The following PKHD1L1 variants were observed in gnomAD, a reference collection of about 807,000 sequenced individuals.
PKHD1L1 encodes the protein PKHD1 like 1.
PKHD1L1 carries 434 observed loss-of-function variants against 462.9 expected under a neutral mutation model. That is an observed-to-expected ratio of 0.94 (90% CI 0.87 to 1.02). PKHD1L1 has a LOEUF of 1.02. Ranked by LOEUF, PKHD1L1 falls within the 50% of genes least tolerant of loss-of-function variation. PKHD1L1 has a pLI of 0.00. For missense variants in PKHD1L1, 5,202 were observed against 5,096.1 expected (o/e 1.02, Z -0.63); for synonymous variants, 1,781 against 1,750.0 (o/e 1.02, Z -0.44).
chr8:109,489,652 C>T (rs1013413376), intron 59 of PKHD1L1, among the ~76,000 whole-genome samples: 2 of 151,802 alleles, frequency 1.3e-5, no homozygotes, highest in African/African-American at 2.4e-5. Flanking sequence ...GGGCAAAAAA[C>T]GTAGGTATTA....
rs1821108787 is a variant in PKHD1L1, at chr8:109,534,537, G to A, written c.*4447G>A. ...GGGTTGGGGAACCTACCAAAACAGTGGGAGAGTCTTGCCCTTTTTCTAAGA... is the reference window on the plus strand; with the variant it reads ...GGGTTGGGGAACCTACCAAAACAGTAGGAGAGTCTTGCCCTTTTTCTAAGA... On this transcript the variant is annotated 3_prime_UTR_variant, in exon 78 of 78. Transcript: ENST00000378402. Among the ~76,000 whole-genome samples, 1 of 152,124 alleles carries A rather than the reference G, an allele frequency of 6.6e-6. No homozygotes were observed. The highest frequency in any genetic ancestry group is 2.1e-4 in the South Asian group (1 of 4,832).
At chr8:109,524,363 A>G (rs1820711246) in intron 76 of PKHD1L1, among the ~76,000 whole-genome samples, 1 of 152,194 alleles carries the variant, frequency 6.6e-6, no homozygotes, top group South Asian at 2.1e-4. Context: ...ATGTTTGATA[A>G]TAATTAAATG....
In PKHD1L1 at chr8:109,466,670, T is replaced by C. The variant is rs1241398150; in HGVS notation, c.8506T>C (p.Ser2836Pro). 8 of 1,611,914 alleles carry C rather than the reference T, an allele frequency of 5.0e-6. No individual in the cohort carries two copies. Among genetic ancestry groups the C allele is most frequent in the Non-Finnish European group, 5.1e-6 (6 of 1,179,052 alleles). The change falls in exon 50 of 78, where the codon TCA becomes CCA. Residue 2836 changes from serine to proline, a missense_variant. This residue lies in a region of PKHD1L1 where 4,497 missense variants were observed against 4,336.8 expected (regional missense o/e 1.04). Transcript: ENST00000378402. ...EAEWSIGFPG[S>P]VCDASVSFHR... ...TGAGTGGAGCATTGGGTTCCCTGGATCAGTCTGTGATGCTTCAGTCAGCTT... is the reference window on the plus strand; with the variant it reads ...TGAGTGGAGCATTGGGTTCCCTGGACCAGTCTGTGATGCTTCAGTCAGCTT...
chr8:109,401,723 T>A, intron 14 of PKHD1L1, 135 bp downstream of exon 14: 1 of 516,238 alleles, frequency 1.9e-6, no homozygotes, highest in South Asian at 3.8e-5. Context: ...TTGGTCATTC[T>A]CTATAATTTT....
chr8:109,536,779 C>T lies in PKHD1L1; in HGVS notation c.*6689C>T, dbSNP rs984813139. Among the ~76,000 whole-genome samples, 4 of 152,018 alleles carry T rather than the reference C, an allele frequency of 2.6e-5. No individual in the cohort carries two copies. The highest frequency in any genetic ancestry group is 9.7e-5 in the African/African-American group (4 of 41,384). On this transcript the variant is annotated 3_prime_UTR_variant, in exon 78 of 78. Transcript: ENST00000378402. Reference sequence around the variant, plus strand: ...AAATTTTGAATCTTCCTGTATTTAGCAATAAAAGTTACTGCTAATTGTAAT... The same window carrying T: ...AAATTTTGAATCTTCCTGTATTTAGTAATAAAAGTTACTGCTAATTGTAAT...
At chr8:109,424,671 CT>C (rs2130663058) in intron 23 of PKHD1L1, among the ~76,000 whole-genome samples, 1 of 152,124 alleles carries the variant, frequency 6.6e-6, no homozygotes, top group South Asian at 2.1e-4. Context: ...TGTTGGTTAA[CT>C]TTTCAAGACT....
rs201119781 is a variant in PKHD1L1 at position 109,466,678 on chromosome 8, T to C, written c.8514T>C (p.Cys2838=). 4.7e-5 allele frequency: 75 copies of C among 1,612,430 alleles called. No individual in the cohort carries two copies. Among genetic ancestry groups the C allele is most frequent in the Non-Finnish European group, 6.2e-5 (73 of 1,179,268 alleles). ...GCATTGGGTTCCCTGGATCAGTCTG[T>C]GATGCTTCAGTCAGCTTTCACCGTT... ...EWSIGFPGSV[C]DASVSFHRLA... is the part of the protein sequence containing the mutation. Residue 2838 remains cysteine, a synonymous_variant, in exon 50 of 78, where the codon TGT becomes TGC. Coordinates refer to ENST00000378402, the MANE Select transcript of PKHD1L1 (RefSeq NM_177531.6).
chr8:109,505,997 C>T (rs973797648), intron 68 of PKHD1L1, among the ~76,000 whole-genome samples: 1 of 152,140 alleles, frequency 6.6e-6, no homozygotes, highest in African/African-American at 2.4e-5. Context: ...CCAATGCTTA[C>T]TCATTTAATT....
At chr8:109,397,642 A>C (rs924678495) in intron 11 of PKHD1L1, among the ~76,000 whole-genome samples, 4 of 152,204 alleles carry the variant, frequency 2.6e-5, no homozygotes, top group Non-Finnish European at 5.9e-5. Flanking sequence ...GTGAGCTATG[A>C]TCATGCCACT....
chr8:109,413,652 G>A (rs1813978603), intron 21 of PKHD1L1, 107 bp downstream of exon 21: 4 of 923,410 alleles, frequency 4.3e-6, no homozygotes, highest in East Asian at 6.3e-5. Context: ...TGTTTGGGGA[G>A]ATGAGGGCAA....
rs1815001984 is a variant in PKHD1L1 at position 109,429,973 on chromosome 8, T to C, written c.3165T>C (p.Gly1055=). The change falls in exon 27 of 78, where the codon GGT becomes GGC. Residue 1055 remains glycine, a synonymous_variant. Coordinates refer to ENST00000378402, the MANE Select transcript of PKHD1L1 (RefSeq NM_177531.6). ...YVNGIPAKCS[G]DCGFTWDSNI... Reference sequence around the variant, plus strand: ...ATGGAATTCCAGCTAAATGTTCAGGTGACTGTGGATTTACATGGGATTCCA... The same window carrying C: ...ATGGAATTCCAGCTAAATGTTCAGGCGACTGTGGATTTACATGGGATTCCA... 6.2e-7 allele frequency: 1 copy of C among 1,611,816 alleles called. No homozygotes were observed. Among genetic ancestry groups the C allele is most frequent in the Non-Finnish European group, 8.5e-7 (1 of 1,179,126 alleles).
intron 48 of PKHD1L1, 76 bp from the exon 49 acceptor site, chr8:109,464,140 A>G: frequency 2.1e-6 from 2 of 971,582 alleles, no homozygotes; most frequent in Non-Finnish European, 2.7e-6. Flanking sequence ...ATAAAATTAG[A>G]TATTTTTTGA....
At chr8:109,409,724 A>G (rs1813737686) in intron 18 of PKHD1L1, 141 bp from the exon 19 acceptor site, 1 of 486,326 alleles carries the variant, frequency 2.1e-6, no homozygotes, top group Non-Finnish European at 3.6e-6. Context: ...AATTATTTAG[A>G]AAATTAACTC....
intron 73 of PKHD1L1, among the ~76,000 whole-genome samples, chr8:109,520,957 G>A (rs983409608): frequency 7.9e-5 from 12 of 152,180 alleles, no homozygotes; most frequent in Non-Finnish European, 1.6e-4. Flanking sequence ...AGTAATAGTA[G>A]TGCATGGACC....
chr8:109,522,817 T>TGG lies in PKHD1L1; in HGVS notation c.12257_12258insGG (p.Ile4086MetfsTer20), dbSNP rs1820618762. ...GCCTTCGTGTCCTCACTCTTAGTGA[T>TGG]CACTCAGCCGGTGGCAGCACAGCCA... On this transcript the variant is annotated frameshift_variant, in exon 75 of 78. Coordinates refer to ENST00000378402, the MANE Select transcript of PKHD1L1 (RefSeq NM_177531.6). LOFTEE classifies it high-confidence loss of function. 7 of 1,612,346 alleles carry TGG rather than the reference T, an allele frequency of 4.3e-6. No individual in the cohort carries two copies. The South Asian group carries it at 7.7e-5, about 18-fold the overall frequency.
rs1274521556 is a variant in PKHD1L1 at position 109,438,317 on chromosome 8, A to T, written c.3628-7A>T. On this transcript the variant is annotated splice_region_variant and splice_polypyrimidine_tract_variant and intron_variant, in intron 30 of 77. Transcript: ENST00000378402. ...AATATTTTCTAATTTTTTTCCTCTT[A>T]TTTTAGAAAACTGAGGGTACAGTTG... 2.0e-6 allele frequency: 3 copies of T among 1,468,512 alleles called. No individual in the cohort carries two copies. Among genetic ancestry groups the T allele is most frequent in the Admixed American group, 2.5e-5 (1 of 39,810 alleles). The allele number at this position is 1,468,512 out of a possible 1,614,324, so 91.0% of individuals were successfully genotyped here. A position where few individuals can be genotyped will look rare whatever the true frequency, so the allele number is the denominator to read the frequency against.
chr8:109,412,624 C>T (rs1404895350), intron 20 of PKHD1L1, among the ~76,000 whole-genome samples: 1 of 151,844 alleles, frequency 6.6e-6, no homozygotes, highest in South Asian at 2.1e-4. Context: ...ATGTATATAG[C>T]ACCATATATC....
At chr8:109,429,680 G>C (rs1384126745) in intron 26 of PKHD1L1, among the ~76,000 whole-genome samples, 1 of 151,998 alleles carries the variant, frequency 6.6e-6, no homozygotes. Context: ...TACTATGCCA[G>C]AATTTGAAAA....
At position 109,483,157 on chromosome 8, in the gene PKHD1L1, G is replaced by GA. The variant is rs34482021; in HGVS notation, c.9576+58dup. The GA allele has an allele frequency of 2.7e-5, 35 of 1,317,308 alleles. No individual in the cohort carries two copies. In the African/African-American group the frequency reaches 3.7e-4, roughly 14 times the overall value. The allele number at this position is 1,317,308 out of a possible 1,614,324, so 81.6% of individuals were successfully genotyped here. On this transcript the variant is annotated intron_variant, in intron 57 of 77. Coordinates refer to ENST00000378402, the MANE Select transcript of PKHD1L1 (RefSeq NM_177531.6). Reference sequence around the variant, plus strand: ...AATGAATATACACAGTGGGTCAGCTGAAAAAAGTTTCTATTCTACTCTCAT... The same window carrying GA: ...AATGAATATACACAGTGGGTCAGCTGAAAAAAAGTTTCTATTCTACTCTCAT...
Sources: gnomAD v4.1 joint callset for allele counts (sites outside exome capture counted in the v4.1 genomes callset) on GRCh38, gnomAD v4.1.1 for gene constraint, gnomAD v4.1.1 regional missense constraint, MANE v1.5 for transcripts, NCBI Gene and HGNC (gene_info 2026-07-23, HGNC 2026-07-21) for gene names.